Variants in RORA observed in about 807,000 individuals in gnomAD.
RORA encodes the protein nuclear receptor ROR-alpha.
A neutral mutation model predicts 69.5 loss-of-function variants in RORA; 7 were observed. The ratio of observed to expected loss-of-function variants is 0.10; its 90% CI spans 0.06 to 0.19. The LOEUF (loss-of-function observed/expected upper bound fraction) is 0.19. Among genes scored for constraint, RORA ranks in the 10% least tolerant of loss-of-function variants. The probability of loss-of-function intolerance (pLI) is 1.00; values close to 1 mark genes in which losing one functional copy is unlikely to be tolerated. For missense variants in RORA, 457 were observed against 663.0 expected (o/e 0.69, Z 3.41); for synonymous variants, 261 against 240.8 (o/e 1.08, Z -0.78).
intron 1 of RORA, among the ~76,000 whole-genome samples, chr15:60,808,691 T>C (rs984505330): frequency 6.7e-6 from 1 of 149,288 alleles, no homozygotes; most frequent in African/African-American, 2.4e-5. Context: ...AACATATATA[T>C]GTTATATATA....
At chr15:61,016,916 A>T (rs780341797) in intron 1 of RORA, among the ~76,000 whole-genome samples, 2 of 152,186 alleles carry the variant, frequency 1.3e-5, no homozygotes, top group African/African-American at 2.4e-5. Flanking sequence ...GTTGCCCCAT[A>T]TATACTCAGC....
rs2141317895 is a variant in RORA at position 60,511,047 on chromosome 15, T to C, written c.820+179A>G. On this transcript the variant is annotated intron_variant, in intron 5 of 10. Coordinates refer to ENST00000335670, the MANE Select transcript of RORA (RefSeq NM_134261.3). This position sits in a 1 kb window ranked among gnomAD's most constrained non-coding sequence, Gnocchi z 6.4. ...CTGAGAGGTCAATGCATGTATTGGA[T>C]AAACCATGGGAAACAGCAGAGGGTC... Among the ~76,000 whole-genome samples, 1 of 152,274 alleles carries C rather than the reference T, an allele frequency of 6.6e-6. No individual in the cohort carries two copies. The highest frequency in any genetic ancestry group is 2.1e-4 in the South Asian group (1 of 4,824).
intron 1 of RORA, among the ~76,000 whole-genome samples, chr15:60,952,756 G>C (rs939392501): frequency 4.8e-5 from 7 of 146,882 alleles, no homozygotes; most frequent in African/African-American, 1.5e-4. Flanking sequence ...ACCTCTTCAA[G>C]GAGAACTACA....
chr15:61,021,874 A>C (rs1269756715), intron 1 of RORA, among the ~76,000 whole-genome samples: 2 of 152,254 alleles, frequency 1.3e-5, no homozygotes, highest in East Asian at 3.9e-4. Context: ...TTGTGTACAC[A>C]TCCAATTTCT....
chr15:60,972,078 G>A (rs1893734322), intron 1 of RORA, among the ~76,000 whole-genome samples: 1 of 152,206 alleles, frequency 6.6e-6, no homozygotes, highest in Non-Finnish European at 1.5e-5. Context: ...GCTTCTCTAA[G>A]AGATCCGGGA....
At chr15:60,523,872 G>C (rs921131915) in intron 3 of RORA, among the ~76,000 whole-genome samples, 1 of 152,066 alleles carries the variant, frequency 6.6e-6, no homozygotes, top group African/African-American at 2.4e-5. Flanking sequence ...ACAGGGTCTC[G>C]CTTTGTTGCC....
At chr15:60,898,285 G>A (rs1031178391) in intron 1 of RORA, among the ~76,000 whole-genome samples, 4 of 152,164 alleles carry the variant, frequency 2.6e-5, no homozygotes, top group African/African-American at 9.7e-5. Context: ...GGCTTTGGAG[G>A]CCTTCTCTTT....
intron 1 of RORA, among the ~76,000 whole-genome samples, chr15:60,931,988 A>G (rs1035204260): frequency 6.6e-6 from 1 of 152,176 alleles, no homozygotes; most frequent in Admixed American, 6.5e-5. Context: ...ACCAATTCTA[A>G]TCCTGAATTC....
chr15:60,911,703 ATTTT>A (rs60693324), intron 1 of RORA, among the ~76,000 whole-genome samples: 3 of 142,926 alleles, frequency 2.1e-5, no homozygotes, highest in Non-Finnish European at 4.5e-5. Context: ...CGGATTTTTG[ATTTT>A]TTTTTTTTTT....
chr15:61,059,958 A>AAGAG (rs2078152230), intron 1 of RORA, among the ~76,000 whole-genome samples: 5 of 119,796 alleles, frequency 4.2e-5, no homozygotes, highest in South Asian at 2.9e-4. Flanking sequence ...AAGAAGAAGA[A>AAGAG]GAAGAGGAAG....
rs563334305 is a variant in RORA at position 60,582,151 on chromosome 15, A to G, written c.197-50300T>C. On this transcript the variant is annotated intron_variant, in intron 2 of 10. Transcript: ENST00000335670. ...TAATTTACTAGAACTAAATCTGGGC[A>G]TATTTATTATTAATATTAATGAAAA... Among the ~76,000 whole-genome samples, 5 of 152,304 alleles carry G rather than the reference A, an allele frequency of 3.3e-5. No individual in the cohort carries two copies. In the South Asian group the frequency reaches 8.3e-4, roughly 25 times the overall value.
chr15:61,129,830 G>A (rs2079174647), intron 1 of RORA, among the ~76,000 whole-genome samples: 1 of 152,168 alleles, frequency 6.6e-6, no homozygotes, highest in African/African-American at 2.4e-5. Context: ...ATGCAGAACT[G>A]GGAAAAGAGG....
At chr15:60,506,408 A>G (rs1392740815) in intron 5 of RORA, among the ~76,000 whole-genome samples, 37 of 152,230 alleles carry the variant, frequency 2.4e-4, no homozygotes. Context: ...GAAGATATGA[A>G]AGACCTAGAG....
intron 1 of RORA, among the ~76,000 whole-genome samples, chr15:61,074,220 G>C (rs1289083123): frequency 6.6e-6 from 1 of 152,168 alleles, no homozygotes. Context: ...TGTATATGAA[G>C]CCTTAGCTGC....
At chr15:60,957,610 G>C (rs1230456136) in intron 1 of RORA, among the ~76,000 whole-genome samples, 2 of 152,224 alleles carry the variant, frequency 1.3e-5, no homozygotes, top group Admixed American at 1.3e-4. Context: ...GGGGGCTATA[G>C]TTCAGTGAGG....
intron 2 of RORA, among the ~76,000 whole-genome samples, chr15:60,555,922 C>T (rs190759177): frequency 2.0e-5 from 3 of 152,200 alleles, no homozygotes; most frequent in East Asian, 1.9e-4. Context: ...TTTCTATTTC[C>T]GGCCTTTACT....
At chr15:60,810,506 C>T (rs1055019946) in intron 1 of RORA, among the ~76,000 whole-genome samples, 2 of 151,952 alleles carry the variant, frequency 1.3e-5, no homozygotes, top group African/African-American at 4.8e-5. Flanking sequence ...GGAAATTTTC[C>T]TGAATCACCT....
chr15:61,086,632 T>C (rs1387202205), intron 1 of RORA, among the ~76,000 whole-genome samples: 1 of 152,092 alleles, frequency 6.6e-6, no homozygotes, highest in Admixed American at 6.6e-5. Flanking sequence ...GCTTTAGAGA[T>C]TGCCAAATGG....
rs553720849 is a variant in RORA at position 60,491,922 on chromosome 15, C to T, written c.*5533G>A. ...AGATCAAGATTTACTGTTGCAATTGCGTTTCTGGGCACATTATTTGATCTA... is the reference window on the plus strand; with the variant it reads ...AGATCAAGATTTACTGTTGCAATTGTGTTTCTGGGCACATTATTTGATCTA... On this transcript the variant is annotated 3_prime_UTR_variant, in exon 11 of 11. Transcript: ENST00000335670. 7 of 152,178 alleles carry T rather than the reference C, an allele frequency of 4.6e-5. No individual in the cohort carries two copies. The highest frequency in any genetic ancestry group is 4.2e-4 in the South Asian group (2 of 4,812). The allele number at this position is 152,178 out of a possible 1,614,324, so 9.4% of individuals were successfully genotyped here. A position where few individuals can be genotyped will look rare whatever the true frequency, so the allele number is the denominator to read the frequency against.
Sources: gnomAD v4.1 joint callset for allele counts (sites outside exome capture counted in the v4.1 genomes callset) on GRCh38, gnomAD v4.1.1 for gene constraint, Gnocchi (gnomAD v3.1) non-coding constraint, MANE v1.5 for transcripts, NCBI Gene and HGNC (gene_info 2026-07-23, HGNC 2026-07-21) for gene names.